The following RERE variants were observed in gnomAD, a reference collection of about 807,000 sequenced individuals.
The protein encoded by RERE is arginine-glutamic acid dipeptide repeats protein.
RERE carries 40 observed loss-of-function variants against 146.1 expected under a neutral mutation model. The observed-to-expected ratio is 0.27, with a 90% confidence interval of 0.21 to 0.36. RERE has a LOEUF of 0.36. RERE is among the 10% of genes least tolerant of loss of function. The probability of loss-of-function intolerance (pLI) is 1.00; values close to 1 mark genes in which losing one functional copy is unlikely to be tolerated. For missense variants in RERE, 1,933 were observed against 2,138.7 expected, an observed-to-expected ratio of 0.90 and a Z score of 1.90; for synonymous variants, 1,003 against 866.0, an observed-to-expected ratio of 1.16 and a Z score of -2.78.
chr1:8,663,572 GCCTTAGC>G (rs1169715951), intron 1 of RERE, among the ~76,000 whole-genome samples: 3 of 152,088 alleles, frequency 2.0e-5, no homozygotes, highest in African/African-American at 7.2e-5. Flanking sequence ...AACATTGTTT[GCCTTAGC>G]CTTCCTCCCA....
At chr1:8,468,997 C>G (rs1055531082) in intron 10 of RERE, among the ~76,000 whole-genome samples, 2 of 152,066 alleles carry the variant, frequency 1.3e-5, no homozygotes, top group Non-Finnish European at 2.9e-5. Flanking sequence ...TCTAGCTCTA[C>G]TATTTACTAG....
chr1:8,508,261 G>A (rs1005754135), intron 8 of RERE, among the ~76,000 whole-genome samples: 1 of 152,268 alleles, frequency 6.6e-6, no homozygotes, highest in South Asian at 2.1e-4. Context: ...GTACTTTTAT[G>A]AGGCAGAACA....
At position 8,423,024 on chromosome 1, in the gene RERE, C is replaced by A. The variant is rs1643935675; in HGVS notation, c.1204-217G>T. Reference sequence around the variant, plus strand: ...ATCAGAACCCCAATCCCACCCACCACGCAGGGCAGCGCGTTTAAGAGAAGG... The same window carrying A: ...ATCAGAACCCCAATCCCACCCACCAAGCAGGGCAGCGCGTTTAAGAGAAGG... On this transcript the variant is annotated intron_variant, in intron 11 of 22. Coordinates refer to ENST00000400908, the MANE Select transcript of RERE (RefSeq NM_001042681.2). The surrounding 1 kb of genome is among the most constrained non-coding windows in gnomAD (Gnocchi z 5.4). 4 of 520,184 alleles carry A rather than the reference C, an allele frequency of 7.7e-6. No individual in the cohort carries two copies. The highest frequency in any genetic ancestry group is 3.1e-5 in the East Asian group (1 of 32,352). The allele number at this position is 520,184 out of a possible 1,614,324, so 32.2% of individuals were successfully genotyped here. A position where few individuals can be genotyped will look rare whatever the true frequency, so the allele number is the denominator to read the frequency against.
At chr1:8,622,510 A>AACAC (rs56804936) in intron 3 of RERE, among the ~76,000 whole-genome samples, 32 of 77,188 alleles carry the variant, frequency 4.1e-4, no homozygotes, top group Non-Finnish European at 4.4e-4. Context: ...AAAAAAAAAA[A>AACAC]ACACACTTTG....
intron 1 of RERE, among the ~76,000 whole-genome samples, chr1:8,724,122 AATG>A (rs1359041095): frequency 1.3e-5 from 2 of 152,218 alleles, no homozygotes; most frequent in African/African-American, 2.4e-5. Flanking sequence ...CACTATTTAA[AATG>A]ATGTCATTTA....
chr1:8,810,973 T>A (rs1641795628), intron 1 of RERE, among the ~76,000 whole-genome samples: 1 of 152,088 alleles, frequency 6.6e-6, no homozygotes, highest in Non-Finnish European at 1.5e-5. Flanking sequence ...TGTAATAAAG[T>A]GATACCACCT....
chr1:8,714,712 G>A (rs1414430638), intron 1 of RERE, among the ~76,000 whole-genome samples: 2 of 152,130 alleles, frequency 1.3e-5, no homozygotes, highest in African/African-American at 4.8e-5. Context: ...CACCAAGGCT[G>A]ATCTATAGAT....
intron 2 of RERE, among the ~76,000 whole-genome samples, chr1:8,627,230 T>C (rs529393747): frequency 6.6e-6 from 1 of 152,246 alleles, no homozygotes; most frequent in African/African-American, 2.4e-5. Context: ...AGTAAGGTGG[T>C]CTGCACTGTC....
intron 12 of RERE, among the ~76,000 whole-genome samples, chr1:8,400,003 C>A (rs1296014474): frequency 6.6e-6 from 1 of 151,968 alleles, no homozygotes; most frequent in Non-Finnish European, 1.5e-5. Context: ...GCTGCAACTA[C>A]AAGGTCATCC....
Position 8,358,428 on chromosome 1 carries a change from C to T in RERE, c.4107G>A (p.Pro1369=). The change falls in exon 20 of 23, where the codon CCG becomes CCA. Residue 1369 remains proline, a synonymous_variant. Coordinates refer to ENST00000400908, the MANE Select transcript of RERE (RefSeq NM_001042681.2). ...AGPHPFASFH[P]GLNPLERERL... ...TCTCCCTCTCCAAGGGGTTCAGGCC[C>T]GGGTGGAAAGAAGCAAAAGGGTGGG... The T allele has an allele frequency of 6.3e-7, 1 of 1,593,728 alleles. No individual in the cohort carries two copies. Among genetic ancestry groups the T allele is most frequent in the Non-Finnish European group, 8.6e-7 (1 of 1,166,680 alleles).
intron 10 of RERE, among the ~76,000 whole-genome samples, chr1:8,485,584 A>AT (rs1252353414): frequency 2.0e-5 from 3 of 152,154 alleles, no homozygotes; most frequent in Non-Finnish European, 2.9e-5. Context: ...AAGCATAAGA[A>AT]AACTAGAGTG....
intron 1 of RERE, among the ~76,000 whole-genome samples, chr1:8,783,777 T>TA (rs1174666882): frequency 6.6e-6 from 1 of 152,198 alleles, no homozygotes; most frequent in African/African-American, 2.4e-5. Context: ...GAAGCACCTT[T>TA]ACATTCCCCC....
chr1:8,422,885 C>G, intron 11 of RERE, 78 bp from the exon 12 acceptor site: 1 of 1,049,990 alleles, frequency 9.5e-7, no homozygotes, highest in Admixed American at 1.7e-5. Flanking sequence ...TATCTACAAT[C>G]AGCAGAATAA....
chr1:8,816,434 A>G (rs1641912804), intron 1 of RERE, among the ~76,000 whole-genome samples: 1 of 152,244 alleles, frequency 6.6e-6, no homozygotes, highest in South Asian at 2.1e-4. Flanking sequence ...GAAAAGAGAC[A>G]GAGGAAAATG....
In RERE at chr1:8,556,497, T is replaced by C; in HGVS notation, c.703A>G (p.Thr235Ala). The change falls in exon 6 of 23, where the codon ACT becomes GCT. Residue 235 changes from threonine (T) to alanine (A), a missense_variant. Physicochemically the swap from Thr to Ala is moderately conservative, Grantham distance 58. This residue lies in a region of RERE where 37 missense variants were observed against 46.6 expected (regional missense o/e 0.79). Coordinates refer to ENST00000400908, the MANE Select transcript of RERE (RefSeq NM_001042681.2). ...TACCTAAGGGCAGCAGCATGGTAAG[T>C]GTCAACGTAATCAGAAATGAAGAGC... Reference protein sequence around the residue: ...RELFISDYVDTYHAAALRGKC... With the variant: ...RELFISDYVDAYHAAALRGKC... 6.2e-7 allele frequency: 1 copy of C among 1,607,264 alleles called. No individual in the cohort carries two copies. Among genetic ancestry groups the C allele is most frequent in the Non-Finnish European group, 8.5e-7 (1 of 1,173,824 alleles).
At chr1:8,789,302 AT>A (rs1321273727) in intron 1 of RERE, among the ~76,000 whole-genome samples, 25 of 54,126 alleles carry the variant, frequency 4.6e-4, no homozygotes, top group African/African-American at 1.7e-3. Flanking sequence ...AAAAAAAAAA[AT>A]ATATATATAT....
chr1:8,591,604 C>A (rs865884639), intron 4 of RERE, among the ~76,000 whole-genome samples: 3 of 152,158 alleles, frequency 2.0e-5, no homozygotes, highest in African/African-American at 7.2e-5. Flanking sequence ...CACAGGACGA[C>A]AACTCCAGGA....
intron 8 of RERE, among the ~76,000 whole-genome samples, chr1:8,501,032 G>GC (rs1491536673): frequency 1.9e-5 from 1 of 53,294 alleles, no homozygotes; most frequent in South Asian, 5.7e-4. Context: ...CCGTCCGGGA[G>GC]GGGGGGGGGG....
At chr1:8,469,084 C>T (rs1332454916) in intron 10 of RERE, among the ~76,000 whole-genome samples, 2 of 151,794 alleles carry the variant, frequency 1.3e-5, no homozygotes, top group Non-Finnish European at 2.9e-5. Context: ...AAAATAATAA[C>T]ATCAACCTCT....
Sources: allele counts gnomAD v4.1 joint callset (sites outside exome capture counted in the v4.1 genomes callset), GRCh38; gene constraint gnomAD v4.1.1; regional missense constraint gnomAD v4.1.1; non-coding constraint Gnocchi (gnomAD v3.1); transcripts MANE v1.5; gene names NCBI Gene and HGNC (gene_info 2026-07-23, HGNC 2026-07-21).